The following SP3 variants were observed in gnomAD, a reference collection of about 807,000 sequenced individuals.
SP3 encodes the protein Sp3 transcription factor, also known as transcription factor Sp3.
SP3 carries 10 observed loss-of-function variants against 70.3 expected under a neutral mutation model. That is an observed-to-expected ratio of 0.14 (90% CI 0.09 to 0.24). The LOEUF (loss-of-function observed/expected upper bound fraction) is 0.24. SP3 is among the 10% of genes least tolerant of loss of function. The probability of loss-of-function intolerance (pLI) is 1.00; values close to 1 mark genes in which losing one functional copy is unlikely to be tolerated. For synonymous variants in SP3, 402 were observed against 333.5 expected, an observed-to-expected ratio of 1.21 and a Z score of -2.24; for missense variants, 825 against 914.6, an observed-to-expected ratio of 0.90 and a Z score of 1.26.
chr2:173,917,473 G>C (rs1480487356), intron 5 of SP3, among the ~76,000 whole-genome samples: 2 of 152,024 alleles, frequency 1.3e-5, no homozygotes, highest in African/African-American at 4.8e-5. Context: ...ACCTCTCTAT[G>C]TCTCACTTCT....
chr2:173,922,066 C>T (rs1689770644), intron 4 of SP3, among the ~76,000 whole-genome samples: 1 of 152,074 alleles, frequency 6.6e-6, no homozygotes, highest in Admixed American at 6.6e-5. Context: ...AAACCTCTTA[C>T]AAATTACCCA....
intron 4 of SP3, among the ~76,000 whole-genome samples, chr2:173,950,496 T>C (rs1002322855): frequency 1.3e-5 from 2 of 152,016 alleles, no homozygotes; most frequent in African/African-American, 4.8e-5. Context: ...TTGGGCAACA[T>C]AGCAAGATGC....
chr2:173,920,436 G>A (rs1689721139), intron 4 of SP3, among the ~76,000 whole-genome samples: 1 of 151,982 alleles, frequency 6.6e-6, no homozygotes, highest in Non-Finnish European at 1.5e-5. Context: ...GACTTTGGGT[G>A]ATAATACATC....
intron 3 of SP3, among the ~76,000 whole-genome samples, chr2:173,956,557 T>A (rs146710612): frequency 6.6e-6 from 1 of 152,232 alleles, no homozygotes; most frequent in Admixed American, 6.5e-5. Flanking sequence ...TGGAGATGGC[T>A]ATGACCAAAT....
intron 3 of SP3, among the ~76,000 whole-genome samples, chr2:173,961,739 G>C (rs908021274): frequency 6.6e-6 from 1 of 152,058 alleles, no homozygotes. Flanking sequence ...GATTATCTAA[G>C]CCCATGAACT....
intron 6 of SP3, among the ~76,000 whole-genome samples, chr2:173,911,261 C>T (rs890266995): frequency 4.6e-5 from 7 of 151,014 alleles, no homozygotes; most frequent in African/African-American, 1.5e-4. Context: ...TTGCAGATGA[C>T]GTAACAGTTT....
rs555644374 is a variant in SP3, at chr2:173,921,516, C to T, written c.1640-2731G>A. 2.7e-5 allele frequency among the ~76,000 whole-genome samples: 4 copies of T among 146,114 alleles called. No homozygotes were observed. The South Asian group carries it at 8.6e-4, about 32-fold the overall frequency. ...CCAGCCTGAGCCAAGAGAGAGCGGT[C>T]CCGTCACTATCCAAAAACAAACAAA... On this transcript the variant is annotated intron_variant, in intron 4 of 6. Transcript: ENST00000310015.
At chr2:173,940,540 G>A (rs1422599064) in intron 4 of SP3, among the ~76,000 whole-genome samples, 1 of 152,170 alleles carries the variant, frequency 6.6e-6, no homozygotes, top group Non-Finnish European at 1.5e-5. Context: ...AACAAACTGA[G>A]AATGGAGAGG....
At chr2:173,925,883 A>C (rs1273653329) in intron 4 of SP3, among the ~76,000 whole-genome samples, 4 of 152,234 alleles carry the variant, frequency 2.6e-5, no homozygotes, top group Non-Finnish European at 4.4e-5. Context: ...TACACACACA[A>C]AAAGATAAAG....
intron 4 of SP3, among the ~76,000 whole-genome samples, chr2:173,924,736 C>T (rs999825860): frequency 6.6e-6 from 1 of 152,166 alleles, no homozygotes; most frequent in South Asian, 2.1e-4. Context: ...AAGATCAACT[C>T]CCTACCAGGC....
intron 5 of SP3, chr2:173,916,598 A>G (rs1356128614): frequency 6.6e-6 from 1 of 152,118 alleles, no homozygotes; most frequent in African/African-American, 2.4e-5. Flanking sequence ...AAATATACTA[A>G]GACAATATTA....
At chr2:173,926,144 C>CCT (rs1187505274) in intron 4 of SP3, among the ~76,000 whole-genome samples, 1 of 152,118 alleles carries the variant, frequency 6.6e-6, no homozygotes, top group African/African-American at 2.4e-5. Context: ...TAGTTTACCT[C>CCT]CTTTCCCACC....
intron 2 of SP3, 199 bp downstream of exon 2, chr2:173,964,206 G>A (rs1339848491): frequency 2.6e-5 from 12 of 469,256 alleles, no homozygotes; most frequent in African/African-American, 8.3e-5. Context: ...CAAAAAGGCG[G>A]CAGGCGGGCG....
intron 4 of SP3, among the ~76,000 whole-genome samples, chr2:173,933,639 TA>T (rs1024636022): frequency 1.9e-4 from 3 of 15,552 alleles, no homozygotes; most frequent in Non-Finnish European, 3.0e-4. Flanking sequence ...TATAAAACTT[TA>T]TATATATATA....
chr2:173,940,347 T>C (rs1321607397), intron 4 of SP3, among the ~76,000 whole-genome samples: 1 of 152,168 alleles, frequency 6.6e-6, no homozygotes, highest in East Asian at 1.9e-4. Context: ...GCAACCTAGA[T>C]CCCTCGCATG....
At chr2:173,938,868 C>A (rs997048503) in intron 4 of SP3, among the ~76,000 whole-genome samples, 3 of 152,158 alleles carry the variant, frequency 2.0e-5, no homozygotes, top group African/African-American at 7.2e-5. Context: ...GTCTGTCTAA[C>A]CCAATGATTC....
intron 4 of SP3, among the ~76,000 whole-genome samples, chr2:173,921,241 CA>C (rs1429063736): frequency 1.3e-5 from 2 of 152,130 alleles, no homozygotes; most frequent in African/African-American, 4.8e-5. Context: ...AACCTTCCCC[CA>C]TTTTTATACA....
rs1407996718 is a variant in SP3 at position 173,955,605 on chromosome 2, T to C, written c.907A>G (p.Met303Val). Residue 303 changes from methionine to valine, a missense_variant, in exon 4 of 7, where the codon ATG (methionine) becomes GTG (valine). Met to Val is a conservative substitution (Grantham distance 21). Transcript: ENST00000310015. ...DGHLINTGQA[M>V]DSSDNSERTG... ...CTTTCTGAATTGTCTGAACTATCCA[T>C]AGCTTGTCCTGTGTTTATCAAATGT... 3 of 1,614,008 alleles carry C rather than the reference T, an allele frequency of 1.9e-6. No individual in the cohort carries two copies. The highest frequency in any genetic ancestry group is 2.5e-6 in the Non-Finnish European group (3 of 1,180,038).
chr2:173,953,767 C>CA (rs201223476), intron 4 of SP3, among the ~76,000 whole-genome samples: 30 of 107,924 alleles, frequency 2.8e-4, no homozygotes, highest in African/African-American at 1.1e-3. Flanking sequence ...GACTCCATCT[C>CA]AAAAAACAAA....
Sources: gnomAD v4.1 joint callset for allele counts (sites outside exome capture counted in the v4.1 genomes callset) on GRCh38, gnomAD v4.1.1 for gene constraint, MANE v1.5 for transcripts, NCBI Gene and HGNC (gene_info 2026-07-23, HGNC 2026-07-21) for gene names.